LRRFIP1: variants seen among roughly 807,000 people sequenced by gnomAD.
The protein encoded by LRRFIP1 is LRR binding FLII interacting protein 1, also known as leucine-rich repeat flightless-interacting protein 1.
A neutral mutation model predicts 104.4 loss-of-function variants in LRRFIP1; 62 were observed. The ratio of observed to expected loss-of-function variants is 0.59; its 90% CI spans 0.48 to 0.73. LRRFIP1 has a LOEUF of 0.73. LRRFIP1 is among the 30% of genes least tolerant of loss of function. LRRFIP1 has a pLI of 0.00. For missense variants in LRRFIP1, 796 were observed against 824.5 expected (o/e 0.97, Z 0.42); for synonymous variants, 300 against 299.0 (o/e 1.00, Z -0.03).
intron 17 of LRRFIP1, among the ~76,000 whole-genome samples, chr2:237,757,749 G>A (rs1433034109): frequency 1.3e-5 from 2 of 152,088 alleles, no homozygotes; most frequent in Non-Finnish European, 2.9e-5. Flanking sequence ...CTTGGATTGT[G>A]ACACGGACTC....
chr2:237,768,489 G>A (rs1224590147), intron 19 of LRRFIP1: 1 of 152,132 alleles, frequency 6.6e-6, no homozygotes, highest in Admixed American at 6.5e-5. Flanking sequence ...TTTGTATGTA[G>A]GAGTATTAAA....
chr2:237,656,942 C>T (rs557449504), intron 1 of LRRFIP1, among the ~76,000 whole-genome samples: 11 of 152,300 alleles, frequency 7.2e-5, no homozygotes, highest in South Asian at 2.1e-4. Flanking sequence ...TACAATGTTA[C>T]GAAGATAACA....
At chr2:237,779,223 AAAAG>A (rs2061349047) in intron 23 of LRRFIP1, 195 bp from the exon 24 acceptor site, 13 of 502,952 alleles carry the variant, frequency 2.6e-5, no homozygotes, top group Non-Finnish European at 3.3e-5. Flanking sequence ...CAAGAAAAAA[AAAAG>A]AAAACCATCA....
In LRRFIP1 at chr2:237,716,300, A is replaced by G. The variant is rs180801851; in HGVS notation, c.202-1462A>G. Reference sequence around the variant, plus strand: ...ATTGAAGTTAAAACATGACTTTGGGATGTTTGTTTTTATTTCCTTTCTGAA... The same window carrying G: ...ATTGAAGTTAAAACATGACTTTGGGGTGTTTGTTTTTATTTCCTTTCTGAA... On this transcript the variant is annotated intron_variant, in intron 3 of 23. Transcript: ENST00000308482. 3.5e-4 allele frequency among the ~76,000 whole-genome samples: 54 copies of G among 152,308 alleles called. No homozygotes were observed. The East Asian group carries it at 0.01, about 29-fold the overall frequency.
chr2:237,655,173 G>C (rs4467222), intron 1 of LRRFIP1, among the ~76,000 whole-genome samples: 3 of 59,666 alleles, frequency 5.0e-5, no homozygotes, highest in Non-Finnish European at 7.5e-5. Context: ...TGCAGTGGCG[G>C]GATCTAGGCT....
rs1559599724 is a variant in LRRFIP1 at position 237,703,831 on chromosome 2, G to A, written c.97-4713G>A. ...CAGCATGGCACGTTCACAGCACAGT[G>A]CATTCCTGTGGCCTCCCCGGGCCAC... On this transcript the variant is annotated intron_variant, in intron 1 of 23. Coordinates refer to ENST00000308482, the MANE Select transcript of LRRFIP1 (RefSeq NM_001137550.2). The surrounding 1 kb of genome is among the most constrained non-coding windows in gnomAD (Gnocchi z 4.3). Among the ~76,000 whole-genome samples the A allele has an allele frequency of 6.6e-6, 1 of 152,252 alleles. No homozygotes were observed. The highest frequency in any genetic ancestry group is 2.1e-4 in the South Asian group (1 of 4,824).
chr2:237,720,092 G>A (rs890400777), intron 5 of LRRFIP1, among the ~76,000 whole-genome samples: 1 of 151,540 alleles, frequency 6.6e-6, no homozygotes, highest in East Asian at 1.9e-4. Context: ...GACTACAGGC[G>A]CCTGCCGCCA....
chr2:237,688,105 G>A (rs559757227), intron 1 of LRRFIP1, among the ~76,000 whole-genome samples: 1 of 152,238 alleles, frequency 6.6e-6, no homozygotes, highest in Non-Finnish European at 1.5e-5. Context: ...TTTCAGACAT[G>A]TAATTTTCAT....
intron 11 of LRRFIP1, among the ~76,000 whole-genome samples, chr2:237,742,103 C>G (rs2057175155): frequency 6.6e-6 from 1 of 152,208 alleles, no homozygotes; most frequent in African/African-American, 2.4e-5. Flanking sequence ...ACCGAAGAGA[C>G]TGAAATGATA....
chr2:237,723,504 C>A (rs775006388), intron 6 of LRRFIP1, 44 bp from the exon 7 acceptor site: 5 of 1,606,450 alleles, frequency 3.1e-6, no homozygotes, highest in East Asian at 4.5e-5. Context: ...TTTGGCAACT[C>A]TCTTTGCTGT....
chr2:237,742,191 A>G (rs1357695460), intron 11 of LRRFIP1, among the ~76,000 whole-genome samples: 1 of 152,256 alleles, frequency 6.6e-6, no homozygotes, highest in Non-Finnish European at 1.5e-5. Flanking sequence ...AAACAGAAAG[A>G]TGTGAGTTCA....
intron 1 of LRRFIP1, among the ~76,000 whole-genome samples, chr2:237,671,837 T>C (rs2090397225): frequency 6.7e-6 from 1 of 150,150 alleles, no homozygotes; most frequent in Non-Finnish European, 1.5e-5. Context: ...TGTGTGTGTG[T>C]GCCTGCATGC....
rs193064379 is a variant in LRRFIP1, at chr2:237,684,814, C to T, written c.97-23730C>T. 9.9e-5 allele frequency among the ~76,000 whole-genome samples: 15 copies of T among 151,540 alleles called. No homozygotes were observed. In the East Asian group the frequency reaches 1.9e-3, roughly 20 times the overall value. On this transcript the variant is annotated intron_variant, in intron 1 of 23. Transcript: ENST00000308482. ...ATGAAAAACAAAATTGGGCCTGGTGCGGTGGCTCAGACCTGTAATTCCAAC... is the reference window on the plus strand; with the variant it reads ...ATGAAAAACAAAATTGGGCCTGGTGTGGTGGCTCAGACCTGTAATTCCAAC...
intron 1 of LRRFIP1, 31 bp downstream of exon 1, chr2:237,627,771 G>C: frequency 8.4e-7 from 1 of 1,197,454 alleles, no homozygotes; most frequent in Non-Finnish European, 1.0e-6. Context: ...GCCGGGGGGC[G>C]CCGGGCGGGC....
chr2:237,766,601 C>T lies in LRRFIP1; in HGVS notation c.1460-3342C>T, dbSNP rs961846071. 6.6e-6 allele frequency among the ~76,000 whole-genome samples: 1 copy of T among 152,162 alleles called. No individual in the cohort carries two copies. Among genetic ancestry groups the T allele is most frequent in the African/African-American group, 2.4e-5 (1 of 41,440 alleles). ...CCATCCAGCCGTCTCAGTGATTCAC[C>T]ACTCATTTGCTTAATTAATAGACAG... On this transcript the variant is annotated intron_variant, in intron 19 of 23. Transcript: ENST00000308482. This position sits in a 1 kb window ranked among gnomAD's most constrained non-coding sequence, Gnocchi z 4.8.
chr2:237,662,635 C>T (rs2088232118), intron 1 of LRRFIP1, among the ~76,000 whole-genome samples: 1 of 151,528 alleles, frequency 6.6e-6, no homozygotes, highest in Non-Finnish European at 1.5e-5. Flanking sequence ...TTAATAATCC[C>T]TATAACTGGG....
intron 1 of LRRFIP1, among the ~76,000 whole-genome samples, chr2:237,642,624 TA>T (rs1024740105): frequency 6.6e-6 from 1 of 150,984 alleles, no homozygotes; most frequent in Admixed American, 6.6e-5. Context: ...CTCCCAGTTC[TA>T]GGTTCCAGAC....
At chr2:237,658,830 T>TG (rs1176071253) in intron 1 of LRRFIP1, among the ~76,000 whole-genome samples, 1 of 152,218 alleles carries the variant, frequency 6.6e-6, no homozygotes, top group Non-Finnish European at 1.5e-5. Flanking sequence ...GCGGAGATTA[T>TG]GGGGATTATG....
rs141301521 is a variant in LRRFIP1 at position 237,701,501 on chromosome 2, C to A, written c.97-7043C>A. 2.5e-3 allele frequency among the ~76,000 whole-genome samples: 385 copies of A among 152,364 alleles called. 10 individuals carry two copies. In the East Asian group the frequency reaches 0.046, roughly 18 times the overall value. ...CTGGGGTTTCTCCTTGTGTCCTGGT[C>A]AATAACTTCTTCTCTCTCTGGTTCT... On this transcript the variant is annotated intron_variant, in intron 1 of 23. Transcript: ENST00000308482.
Sources: allele counts gnomAD v4.1 joint callset (sites outside exome capture counted in the v4.1 genomes callset), GRCh38; gene constraint gnomAD v4.1.1; non-coding constraint Gnocchi (gnomAD v3.1); transcripts MANE v1.5; gene names NCBI Gene and HGNC (gene_info 2026-07-23, HGNC 2026-07-21).